BIRC7: variants seen among roughly 807,000 people sequenced by gnomAD.
BIRC7 encodes baculoviral IAP repeat-containing protein 7.
BIRC7 carries 26 observed loss-of-function variants against 33.2 expected under a neutral mutation model. That is an observed-to-expected ratio of 0.78 (90% CI 0.57 to 1.09). The LOEUF (loss-of-function observed/expected upper bound fraction) is 1.09. BIRC7 is among the 50% of genes least tolerant of loss of function. The pLI, the probability that BIRC7 is intolerant of heterozygous loss-of-function variation, is 0.00. For missense variants in BIRC7, 409 were observed against 401.2 expected (o/e 1.02, Z -0.17); for synonymous variants, 176 against 171.0 (o/e 1.03, Z -0.23).
Position 63,238,592 on chromosome 20 carries a change from C to T in BIRC7, c.555C>T (p.Asp185=), listed in dbSNP as rs751355860. ...AGGACCCGTGGGAAGAACCGGAAGA[C>T]GCAGCCCCTGTGGCCCCCTCCGGTG... The part of the protein sequence containing the change: ...GSWDPWEEPE[D]AAPVAPSVPA... Residue 185 remains aspartate, a synonymous_variant, in exon 4 of 7, where the codon GAC becomes GAT. Coordinates refer to ENST00000217169, the MANE Select transcript of BIRC7 (RefSeq NM_139317.3). 45 of 1,612,892 alleles carry T rather than the reference C, an allele frequency of 2.8e-5. No homozygotes were observed. Among genetic ancestry groups the T allele is most frequent in the East Asian group, 4.5e-5 (2 of 44,888 alleles).
chr20:63,239,272 G>T (rs1304536627), intron 5 of BIRC7, 39 bp downstream of exon 5: 1 of 1,609,848 alleles, frequency 6.2e-7, no homozygotes, highest in African/African-American at 1.3e-5. Context: ...GCTGGGGCAG[G>T]GGAGGGCTGA....
Position 63,236,126 on chromosome 20 carries a change from G to C in BIRC7, c.30G>C (p.Leu10=), listed in dbSNP as rs1054574901. MGPKDSAKC[L]HRGPQPSHWA... Reference sequence around the variant, plus strand: ...GACCTAAAGACAGTGCCAAGTGCCTGCACCGTGGACCACAGCCGAGCCACT... The same window carrying C: ...GACCTAAAGACAGTGCCAAGTGCCTCCACCGTGGACCACAGCCGAGCCACT... Residue 10 remains leucine, a synonymous_variant, in exon 1 of 7, where the codon CTG becomes CTC. Coordinates refer to ENST00000217169, the MANE Select transcript of BIRC7 (RefSeq NM_139317.3). The C allele has an allele frequency of 1.3e-6, 2 of 1,576,284 alleles. No individual in the cohort carries two copies. The highest frequency in any genetic ancestry group is 3.6e-5 in the Admixed American group (2 of 55,604).
chr20:63,239,390 T>C lies in BIRC7; in HGVS notation c.682T>C (p.Trp228Arg), dbSNP rs2066717261. ...CAGTCCAGCCGAGGCCCAGAGGGCG[T>C]GGTGGGTTCTTGAGCCCCCAGGAGC... ...GVSPAEAQRA[W>R]WVLEPPGARD... is the part of the protein sequence containing the mutation. The change falls in exon 6 of 7, where the codon TGG (tryptophan) becomes CGG (arginine). Residue 228 changes from tryptophan (W) to arginine (R), a missense_variant. Coordinates refer to ENST00000217169, the MANE Select transcript of BIRC7 (RefSeq NM_139317.3). 1 of 1,604,466 alleles carries C rather than the reference T, an allele frequency of 6.2e-7. No homozygotes were observed. The highest frequency in any genetic ancestry group is 8.5e-7 in the Non-Finnish European group (1 of 1,179,724).
At chr20:63,239,077 A>AC (rs1192104707) in intron 4 of BIRC7, 85 bp from the exon 5 acceptor site, 1 of 1,388,338 alleles carries the variant, frequency 7.2e-7, no homozygotes, top group South Asian at 1.2e-5. Flanking sequence ...CCAGAACTGG[A>AC]CCCCACAGGC....
rs1196676869 is a variant in BIRC7 at position 63,238,577 on chromosome 20, G to A, written c.540G>A (p.Trp180Ter). 1 of 1,613,096 alleles carries A rather than the reference G, an allele frequency of 6.2e-7. No homozygotes were observed. Among genetic ancestry groups the A allele is most frequent in the East Asian group, 2.2e-5 (1 of 44,880 alleles). ...HSQLLGSWDP[W>*]EEPEDAAPVA... is the part of the protein sequence containing the mutation. Reference sequence around the variant, plus strand: ...TCTCTGGCTCCTTCCAGGACCCGTGGGAAGAACCGGAAGACGCAGCCCCTG... The same window carrying A: ...TCTCTGGCTCCTTCCAGGACCCGTGAGAAGAACCGGAAGACGCAGCCCCTG... Residue 180 changes from tryptophan to a stop codon, truncating the protein, a stop_gained, in exon 4 of 7, where the codon TGG (tryptophan) becomes TGA (stop). Coordinates refer to ENST00000217169, the MANE Select transcript of BIRC7 (RefSeq NM_139317.3). LOFTEE classifies it high-confidence loss of function.
At chr20:63,239,673 C>T (rs968730489) in intron 6 of BIRC7, 63 bp downstream of exon 6, 4 of 1,514,624 alleles carry the variant, frequency 2.6e-6, no homozygotes, top group Non-Finnish European at 2.6e-6. Flanking sequence ...GCCGGCTGTG[C>T]CCGGCCCTCC....
In BIRC7 at chr20:63,240,215, G is replaced by C. The variant is rs567753918; in HGVS notation, c.*6-41G>C. 594 of 154,330 alleles carry C rather than the reference G, an allele frequency of 3.8e-3. 3 individuals are homozygous for C. Among genetic ancestry groups the C allele is most frequent in the African/African-American group, 0.013 (542 of 41,556 alleles). 9.6% of individuals were successfully genotyped at this position (154,330 alleles called of 1,614,324 possible). A position where few individuals can be genotyped will look rare whatever the true frequency, so the allele number is the denominator to read the frequency against. ...TGAGGCCCCTGGCTAGGTGGGCCCC[G>C]TCGGTTGCCATTGACTCACCCACCC... On this transcript the variant is annotated intron_variant, in intron 6 of 6. Transcript: ENST00000217169.
chr20:63,238,150 G>A lies in BIRC7; in HGVS notation c.449+148G>A, dbSNP rs377082433. The A allele has an allele frequency of 1.8e-4, 162 of 900,106 alleles. No homozygotes were observed. In the African/African-American group the frequency reaches 2.4e-3, roughly 13 times the overall value. 55.8% of individuals were successfully genotyped at this position (900,106 alleles called of 1,614,324 possible). On this transcript the variant is annotated intron_variant, in intron 2 of 6. Transcript: ENST00000217169. Reference sequence around the variant, plus strand: ...CCTTCTGTGGGAGGTGCTTCTGGCCGGCAGGTACCCACTTTTCCTGTGAGG... The same window carrying A: ...CCTTCTGTGGGAGGTGCTTCTGGCCAGCAGGTACCCACTTTTCCTGTGAGG...
intron 1 of BIRC7, 105 bp downstream of exon 1, chr20:63,236,550 A>G: frequency 7.1e-7 from 1 of 1,417,964 alleles, no homozygotes; most frequent in Non-Finnish European, 9.2e-7. Context: ...CCCCAACAGG[A>G]AGGGTCTGGC....
chr20:63,238,027 C>T (rs201060012), intron 2 of BIRC7, 25 bp downstream of exon 2: 1,606 of 1,553,590 alleles, frequency 1.0e-3, no homozygotes, highest in Non-Finnish European at 1.3e-3. Flanking sequence ...TGCGGGGCCC[C>T]GGGTCTGATC....
intron 5 of BIRC7, 52 bp downstream of exon 5, chr20:63,239,285 G>T: frequency 2.5e-6 from 4 of 1,607,788 alleles, no homozygotes; most frequent in Non-Finnish European, 3.4e-6. Flanking sequence ...AGGGCTGAGG[G>T]ACCCCGACCT....
chr20:63,237,086 C>T lies in BIRC7; in HGVS notation c.349+641C>T, dbSNP rs1051271594. On this transcript the variant is annotated intron_variant, in intron 1 of 6. Coordinates refer to ENST00000217169, the MANE Select transcript of BIRC7 (RefSeq NM_139317.3). ...TGAAGGACAGGGCAGCAGGGCCCAC[C>T]GAGGGCTTTACAAATACTGGCACAG... Among the ~76,000 whole-genome samples, 10 of 152,374 alleles carry T rather than the reference C, an allele frequency of 6.6e-5. No individual in the cohort carries two copies. In the East Asian group the frequency reaches 1.5e-3, roughly 23 times the overall value.
intron 2 of BIRC7, 97 bp downstream of exon 2, chr20:63,238,099 C>G (rs2066703214): frequency 8.3e-7 from 1 of 1,205,278 alleles, no homozygotes; most frequent in African/African-American, 1.5e-5. Context: ...CTTTGCCTCC[C>G]TGGCCCCACA....
At chr20:63,237,252 C>A in intron 1 of BIRC7, among the ~76,000 whole-genome samples, 1 of 152,230 alleles carries the variant, frequency 6.6e-6, no homozygotes, top group Non-Finnish European at 1.5e-5. Flanking sequence ...TCACCCACCT[C>A]CCTGGAAGTC....
rs544644077 is a variant in BIRC7, at chr20:63,238,819, C to T, written c.577+205C>T. On this transcript the variant is annotated intron_variant, in intron 4 of 6. Coordinates refer to ENST00000217169, the MANE Select transcript of BIRC7 (RefSeq NM_139317.3). ...GGCAGGGGCCTCCCCCAGTGCCAGG[C>T]CCCATTCTGCTTCTCTCCCAGCTTA... is the stretch of plus-strand genomic sequence containing the variant. The T allele has an allele frequency of 5.7e-4, 389 of 684,834 alleles. 4 individuals carry two copies. In the South Asian group the frequency reaches 6.6e-3, roughly 12 times the overall value. The allele number at this position is 684,834 out of a possible 1,614,324, so 42.4% of individuals were successfully genotyped here. A position where few individuals can be genotyped will look rare whatever the true frequency, so the allele number is the denominator to read the frequency against.
rs757638330 is a variant in BIRC7, at chr20:63,238,110, G to GCTT, written c.449+108_449+109insCTT. The GCTT allele has an allele frequency of 2.3e-3, 2,528 of 1,109,200 alleles. 9 individuals carry two copies. Among genetic ancestry groups the GCTT allele is most frequent in the Non-Finnish European group, 2.9e-3 (2,300 of 789,102 alleles). 68.7% of individuals were successfully genotyped at this position (1,109,200 alleles called of 1,614,324 possible). ...CCTGCTTTGCCTCCCTGGCCCCACAGGGCACTGGGGAGGCCCTTCTGTGGG... is the reference window on the plus strand; with the variant it reads ...CCTGCTTTGCCTCCCTGGCCCCACAGCTTGGCACTGGGGAGGCCCTTCTGTGGG... On this transcript the variant is annotated intron_variant, in intron 2 of 6. Coordinates refer to ENST00000217169, the MANE Select transcript of BIRC7 (RefSeq NM_139317.3).
chr20:63,236,717 C>T (rs1221494714), intron 1 of BIRC7, among the ~76,000 whole-genome samples: 3 of 152,186 alleles, frequency 2.0e-5, no homozygotes, highest in Admixed American at 6.5e-5. Flanking sequence ...CTGTGGAGGC[C>T]GCCAGCTTGG....
intron 4 of BIRC7, 25 bp from the exon 5 acceptor site, chr20:63,239,137 T>C: frequency 2.5e-6 from 4 of 1,607,040 alleles, no homozygotes; most frequent in Non-Finnish European, 3.4e-6. Flanking sequence ...GAGTTAGGCC[T>C]CAAGTCTATC....
intron 4 of BIRC7, 108 bp downstream of exon 4, chr20:63,238,722 A>G (rs992375501): frequency 6.9e-7 from 1 of 1,459,650 alleles, no homozygotes; most frequent in African/African-American, 1.4e-5. Context: ...AGTGACGGGC[A>G]CGTGACAGGG....
Sources: allele counts gnomAD v4.1 joint callset (sites outside exome capture counted in the v4.1 genomes callset), GRCh38; gene constraint gnomAD v4.1.1; transcripts MANE v1.5; gene names NCBI Gene and HGNC (gene_info 2026-07-23, HGNC 2026-07-21).